The following LRP1B variants were observed in gnomAD, a reference collection of about 807,000 sequenced individuals.
LRP1B encodes the protein low-density lipoprotein receptor-related protein 1B.
Under a neutral mutation model 556.6 loss-of-function variants are expected in LRP1B, and 217 were observed. The ratio of observed to expected loss-of-function variants is 0.39; its 90% CI spans 0.35 to 0.44. LRP1B has a LOEUF of 0.44. Ranked by LOEUF, LRP1B falls within the 20% of genes least tolerant of loss-of-function variation. The probability of loss-of-function intolerance (pLI) is 1.00; values close to 1 mark genes in which losing one functional copy is unlikely to be tolerated. For synonymous variants in LRP1B, 2,047 were observed against 1,865.8 expected, an observed-to-expected ratio of 1.10 and a Z score of -2.50; for missense variants, 5,053 against 5,620.8, an observed-to-expected ratio of 0.90 and a Z score of 3.23.
At chr2:140,261,578 C>G (rs1364695420) in intron 86 of LRP1B, among the ~76,000 whole-genome samples, 4 of 151,252 alleles carry the variant, frequency 2.6e-5, no homozygotes, top group African/African-American at 9.7e-5. Context: ...GTTGAATAAC[C>G]TAATTATTAA....
At chr2:141,737,409 A>G (rs1426051783) in intron 2 of LRP1B, among the ~76,000 whole-genome samples, 1 of 152,198 alleles carries the variant, frequency 6.6e-6, no homozygotes, top group African/African-American at 2.4e-5. Context: ...GTGCTGACTT[A>G]CAAAAGACTT....
At chr2:141,913,702 T>A (rs777141881) in intron 1 of LRP1B, among the ~76,000 whole-genome samples, 18 of 152,134 alleles carry the variant, frequency 1.2e-4, no homozygotes, top group African/African-American at 4.1e-4. Context: ...CTACTAATGA[T>A]GAGTGATAAT....
At chr2:140,296,142 T>C (rs951367925) in intron 84 of LRP1B, among the ~76,000 whole-genome samples, 21 of 152,156 alleles carry the variant, frequency 1.4e-4, no homozygotes, top group African/African-American at 1.9e-4. Context: ...TCCAACAGTT[T>C]TGAGTGCCAA....
intron 2 of LRP1B, chr2:141,805,374 A>T (rs1159436781): frequency 6.6e-6 from 1 of 152,126 alleles, no homozygotes; most frequent in African/African-American, 2.4e-5. Flanking sequence ...ACCCCTATTC[A>T]GTTAAGTCAC....
intron 2 of LRP1B, among the ~76,000 whole-genome samples, chr2:141,782,664 C>T (rs1334943842): frequency 6.6e-6 from 1 of 151,774 alleles, no homozygotes; most frequent in Admixed American, 6.6e-5. Context: ...AACTCACCAT[C>T]GTGCAATAGT....
At chr2:141,616,642 T>C (rs1397516516) in intron 2 of LRP1B, among the ~76,000 whole-genome samples, 2 of 152,234 alleles carry the variant, frequency 1.3e-5, no homozygotes. Context: ...TTTATTTACA[T>C]TCCTCAGATT....
chr2:140,999,548 C>G (rs1283962619), intron 15 of LRP1B, among the ~76,000 whole-genome samples: 1 of 151,988 alleles, frequency 6.6e-6, no homozygotes, highest in East Asian at 1.9e-4. Context: ...AAGCCAAAGT[C>G]ATTTAAATTT....
At chr2:141,143,424 T>G (rs745962642) in intron 7 of LRP1B, among the ~76,000 whole-genome samples, 3 of 152,156 alleles carry the variant, frequency 2.0e-5, no homozygotes, top group Non-Finnish European at 4.4e-5. Context: ...CTTTGCCTAG[T>G]ACATCATTCT....
Position 140,247,115 on chromosome 2 carries a change from T to C in LRP1B, c.13295A>G (p.Lys4432Arg), listed in dbSNP as rs1295002871. The C allele has an allele frequency of 6.2e-7, 1 of 1,609,436 alleles. No homozygotes were observed. Among genetic ancestry groups the C allele is most frequent in the Non-Finnish European group, 8.5e-7 (1 of 1,176,872 alleles). The change falls in exon 87 of 91, where the codon AAG (lysine) becomes AGG (arginine). Residue 4432 changes from lysine (K) to arginine (R), a missense_variant. Lys to Arg is a conservative substitution (Grantham distance 26, BLOSUM62 2). This residue lies in a region of LRP1B where 551 missense variants were observed against 592.0 expected (regional missense o/e 0.93). Transcript: ENST00000389484. ...GCTGATATGATCAGACTTGCTGCTCTTTGGGGCTGGCCTTTCACACTGTGT... is the reference window on the plus strand; with the variant it reads ...GCTGATATGATCAGACTTGCTGCTCCTTGGGGCTGGCCTTTCACACTGTGT... Reference protein sequence around the residue: ...SGTQCERPAPKSSKSDHISTR... With the variant: ...SGTQCERPAPRSSKSDHISTR...
At position 141,179,678 on chromosome 2, in the gene LRP1B, C is replaced by A. The variant is rs562916530; in HGVS notation, c.1013+8743G>T. On this transcript the variant is annotated intron_variant, in intron 7 of 90. Transcript: ENST00000389484. ...TTCTATGACAAAACAACCACCACCACCAACACCACGACCACCATTATCATC... is the reference window on the plus strand; with the variant it reads ...TTCTATGACAAAACAACCACCACCAACAACACCACGACCACCATTATCATC... Among the ~76,000 whole-genome samples, 334 of 152,028 alleles carry A rather than the reference C, an allele frequency of 2.2e-3. 5 individuals are homozygous for A. The highest frequency in any genetic ancestry group is 7.7e-3 in the African/African-American group (319 of 41,512).
chr2:141,031,660 G>A (rs1390771541), intron 11 of LRP1B, among the ~76,000 whole-genome samples: 1 of 151,942 alleles, frequency 6.6e-6, no homozygotes, highest in Non-Finnish European at 1.5e-5. Flanking sequence ...GGATCCAGAA[G>A]AGACAACTTG....
intron 21 of LRP1B, among the ~76,000 whole-genome samples, chr2:140,910,614 G>A (rs1387979437): frequency 6.6e-6 from 1 of 151,484 alleles, no homozygotes; most frequent in African/African-American, 2.4e-5. Flanking sequence ...AAAATACAAG[G>A]GTTCTTTTAA....
chr2:141,915,218 C>T (rs1233407314), intron 1 of LRP1B, among the ~76,000 whole-genome samples: 1 of 152,082 alleles, frequency 6.6e-6, no homozygotes, highest in East Asian at 1.9e-4. Context: ...ATCTGATTTT[C>T]AACAGTCAAC....
chr2:140,696,361 G>A (rs188880925), intron 41 of LRP1B, among the ~76,000 whole-genome samples: 3 of 152,178 alleles, frequency 2.0e-5, no homozygotes, highest in Admixed American at 1.3e-4. Flanking sequence ...GGCAGGAGGT[G>A]GGGTGTGGTA....
At chr2:140,808,962 C>A (rs1344507839) in intron 32 of LRP1B, among the ~76,000 whole-genome samples, 1 of 152,098 alleles carries the variant, frequency 6.6e-6, no homozygotes, top group Non-Finnish European at 1.5e-5. Flanking sequence ...TATACCAGCT[C>A]TACCAGGTGA....
In LRP1B at chr2:140,748,603, A is replaced by G. The variant is rs1459468784; in HGVS notation, c.5758+20610T>C. On this transcript the variant is annotated intron_variant, in intron 35 of 90. Transcript: ENST00000389484. ...ACATATACAGTGTGTATATATATATATATATATATATATATATATATATTC... is the reference window on the plus strand; with the variant it reads ...ACATATACAGTGTGTATATATATATGTATATATATATATATATATATATTC... Among the ~76,000 whole-genome samples the G allele has an allele frequency of 9.9e-3, 1,074 of 108,408 alleles. 30 individuals carry two copies. Among genetic ancestry groups the G allele is most frequent in the African/African-American group, 0.043 (1,012 of 23,706 alleles). 71.1% of individuals were successfully genotyped at this position (108,408 alleles called of 152,430 possible). A position where few individuals can be genotyped will look rare whatever the true frequency, so the allele number is the denominator to read the frequency against.
intron 2 of LRP1B, among the ~76,000 whole-genome samples, chr2:141,710,432 A>G (rs1272661238): frequency 6.6e-6 from 1 of 152,180 alleles, no homozygotes; most frequent in Non-Finnish European, 1.5e-5. Flanking sequence ...TTAAAGAGTA[A>G]AGAGCAGCTA....
intron 35 of LRP1B, 84 bp from the exon 36 acceptor site, chr2:140,716,900 T>C: frequency 6.1e-6 from 4 of 658,970 alleles, no homozygotes; most frequent in Non-Finnish European, 9.6e-6. Context: ...ATTGCAACAG[T>C]ATCTTTTAGG....
chr2:141,157,782 A>G (rs1702104922), intron 7 of LRP1B, among the ~76,000 whole-genome samples: 1 of 152,152 alleles, frequency 6.6e-6, no homozygotes, highest in Non-Finnish European at 1.5e-5. Flanking sequence ...AAGCTTATGT[A>G]GGAACTTTTT....
Sources: gnomAD v4.1 joint callset for allele counts (sites outside exome capture counted in the v4.1 genomes callset) on GRCh38, gnomAD v4.1.1 for gene constraint, gnomAD v4.1.1 regional missense constraint, MANE v1.5 for transcripts, NCBI Gene and HGNC (gene_info 2026-07-23, HGNC 2026-07-21) for gene names.